The following GRID1 variants were observed in gnomAD, a reference collection of about 807,000 sequenced individuals.
GRID1 encodes glutamate receptor ionotropic, delta-1.
GRID1 carries 28 observed loss-of-function variants against 98.0 expected under a neutral mutation model. That is an observed-to-expected ratio of 0.29 (90% CI 0.21 to 0.39). The LOEUF (loss-of-function observed/expected upper bound fraction) is 0.39, where lower values mean the gene tolerates loss of function less well. Among genes scored for constraint, GRID1 ranks in the 10% least tolerant of loss-of-function variants. The pLI is 1.00. For missense variants in GRID1, 1,111 were observed against 1,340.5 expected (o/e 0.83, Z 2.67); for synonymous variants, 553 against 538.5 (o/e 1.03, Z -0.37).
At chr10:85,980,958 T>G (rs1366705683) in intron 4 of GRID1, among the ~76,000 whole-genome samples, 4 of 152,230 alleles carry the variant, frequency 2.6e-5, no homozygotes, top group South Asian at 2.1e-4. Flanking sequence ...CTGGTCACTG[T>G]GGGCACCCAG....
chr10:86,158,682 TGGG>T (rs1301680023), intron 3 of GRID1, among the ~76,000 whole-genome samples: 1 of 152,002 alleles, frequency 6.6e-6, no homozygotes, highest in Non-Finnish European at 1.5e-5. Flanking sequence ...GTGTGACCAA[TGGG>T]AAGCAAAATA....
At chr10:85,702,773 C>A (rs886117358) in intron 12 of GRID1, among the ~76,000 whole-genome samples, 1 of 147,150 alleles carries the variant, frequency 6.8e-6, no homozygotes, top group African/African-American at 2.5e-5. Context: ...TAAACGGAGG[C>A]AGAGAGGAGA....
intron 4 of GRID1, among the ~76,000 whole-genome samples, chr10:85,934,207 A>G (rs1478864403): frequency 6.6e-6 from 1 of 152,158 alleles, no homozygotes; most frequent in East Asian, 1.9e-4. Flanking sequence ...GAATGGCTTC[A>G]TGGAGGTACT....
intron 8 of GRID1, among the ~76,000 whole-genome samples, chr10:85,834,544 CCTT>C (rs1232853321): frequency 3.5e-4 from 54 of 152,156 alleles, no homozygotes; most frequent in African/African-American, 1.2e-3. Context: ...TATATACTAT[CCTT>C]CTTCTTCTGA....
chr10:86,116,095 G>A (rs997574713), intron 4 of GRID1, among the ~76,000 whole-genome samples: 6 of 152,128 alleles, frequency 3.9e-5, no homozygotes, highest in African/African-American at 9.7e-5. Context: ...TATGGGGTTC[G>A]TACAATGATG....
chr10:85,631,179 C>T (rs1842972199), intron 13 of GRID1, among the ~76,000 whole-genome samples: 1 of 152,172 alleles, frequency 6.6e-6, no homozygotes, highest in African/African-American at 2.4e-5. Flanking sequence ...AATTGAGGCT[C>T]AAAAAGAACC....
rs73340170 is a variant in GRID1 at position 85,984,279 on chromosome 10, C to T, written c.727-68040G>A. On this transcript the variant is annotated intron_variant, in intron 4 of 15. Transcript: ENST00000327946. ...AGACCTGGAACCACTCAACATGGAA[C>T]GAGAAAGAGACATAACAGTTCTCCT... Among the ~76,000 whole-genome samples the T allele has an allele frequency of 5.4e-3, 818 of 152,282 alleles. 8 individuals carry two copies. Among genetic ancestry groups the T allele is most frequent in the African/African-American group, 0.019 (777 of 41,552 alleles).
At chr10:85,820,374 T>C (rs982913051) in intron 8 of GRID1, among the ~76,000 whole-genome samples, 6 of 152,242 alleles carry the variant, frequency 3.9e-5, no homozygotes, top group African/African-American at 1.2e-4. Flanking sequence ...AGAACATTAG[T>C]AGGAAAACAG....
At chr10:86,086,547 G>A (rs1193355868) in intron 4 of GRID1, among the ~76,000 whole-genome samples, 1 of 152,202 alleles carries the variant, frequency 6.6e-6, no homozygotes, top group Non-Finnish European at 1.5e-5. Flanking sequence ...AGCCACACCT[G>A]TCTGAGGGTT....
Position 86,177,995 on chromosome 10 carries a change from C to T in GRID1, c.520+28369G>A, listed in dbSNP as rs575561990. On this transcript the variant is annotated intron_variant, in intron 3 of 15. Transcript: ENST00000327946. ...ATGCTCCCCTCCGTGGGGACAAAGC[C>T]GAGACACAGCCTTGAGGGGCACCAG... 4.7e-4 allele frequency among the ~76,000 whole-genome samples: 71 copies of T among 152,194 alleles called. No individual in the cohort carries two copies. The South Asian group carries it at 5.0e-3, about 11-fold the overall frequency.
intron 8 of GRID1, among the ~76,000 whole-genome samples, chr10:85,812,235 C>G (rs185531311): frequency 2.0e-5 from 3 of 152,006 alleles, no homozygotes; most frequent in Admixed American, 2.0e-4. Flanking sequence ...TGATAACTAC[C>G]ATCATGAAAA....
intron 5 of GRID1, among the ~76,000 whole-genome samples, chr10:85,883,510 G>GTCTCTCTCTCTCTCTCTCTCTC: frequency 7.3e-6 from 1 of 136,840 alleles, no homozygotes; most frequent in Non-Finnish European, 1.6e-5. Context: ...CTCTCTCTCT[G>GTCTCTCTCTCTCTCTCTCTCTC]TCTCTCTCTC....
At chr10:86,283,722 C>T (rs558659992) in intron 2 of GRID1, among the ~76,000 whole-genome samples, 3 of 151,566 alleles carry the variant, frequency 2.0e-5, no homozygotes, top group African/African-American at 7.3e-5. Flanking sequence ...AGCAAATACA[C>T]ACCTGCCCTC....
At chr10:85,870,434 T>C (rs1310274265) in intron 5 of GRID1, among the ~76,000 whole-genome samples, 1 of 152,232 alleles carries the variant, frequency 6.6e-6, no homozygotes, top group Non-Finnish European at 1.5e-5. Context: ...CAGCCTATTG[T>C]GGAACTTCAC....
intron 3 of GRID1, among the ~76,000 whole-genome samples, chr10:86,139,899 TCC>T (rs111981661): frequency 0.055 from 8,378 of 152,266 alleles, 296 homozygotes; most frequent in East Asian, 0.13. Flanking sequence ...AGTTTTTTCA[TCC>T]AGTGCCAAAA....
At position 86,289,729 on chromosome 10, in the gene GRID1, C is replaced by T. The variant is rs529805360; in HGVS notation, c.235+74212G>A. Reference sequence around the variant, plus strand: ...CATGACTTCTAGTGAGCTGGCCAGACACAGTGGCAGCCCACCCCAACGAAA... The same window carrying T: ...CATGACTTCTAGTGAGCTGGCCAGATACAGTGGCAGCCCACCCCAACGAAA... On this transcript the variant is annotated intron_variant, in intron 2 of 15. Coordinates refer to ENST00000327946, the MANE Select transcript of GRID1 (RefSeq NM_017551.3). Among the ~76,000 whole-genome samples the T allele has an allele frequency of 2.4e-4, 37 of 152,268 alleles. 1 individual carries two copies. The South Asian group carries it at 6.4e-3, about 26-fold the overall frequency.
chr10:85,858,251 G>A (rs1301818005), intron 6 of GRID1, among the ~76,000 whole-genome samples: 1 of 152,204 alleles, frequency 6.6e-6, no homozygotes, highest in African/African-American at 2.4e-5. Context: ...TGTTGCAGAG[G>A]TGTCAAGAGT....
At chr10:86,317,773 C>T (rs1437554358) in intron 2 of GRID1, among the ~76,000 whole-genome samples, 1 of 152,122 alleles carries the variant, frequency 6.6e-6, no homozygotes, top group African/African-American at 2.4e-5. Context: ...CATGGTCGCA[C>T]TCTGTCATCC....
chr10:86,116,532 C>G (rs994306590), intron 4 of GRID1, among the ~76,000 whole-genome samples: 21 of 152,100 alleles, frequency 1.4e-4, no homozygotes, highest in Non-Finnish European at 2.4e-4. Context: ...TCAGAGGCTG[C>G]TTGTGGGAGA....
Sources: gnomAD v4.1 joint callset for allele counts (sites outside exome capture counted in the v4.1 genomes callset) on GRCh38, gnomAD v4.1.1 for gene constraint, MANE v1.5 for transcripts, NCBI Gene and HGNC (gene_info 2026-07-23, HGNC 2026-07-21) for gene names.